The following SLC35F3 variants were observed in gnomAD, a reference collection of about 807,000 sequenced individuals.
SLC35F3 encodes putative thiamine transporter SLC35F3.
In SLC35F3, 25 loss-of-function variants were observed where a neutral mutation model predicts 49.9. The observed-to-expected ratio is 0.50, with a 90% CI of 0.37 to 0.70. The LOEUF (loss-of-function observed/expected upper bound fraction) is 0.70. SLC35F3 is among the 30% of genes least tolerant of loss of function. The pLI is 0.00. For missense variants in SLC35F3, 525 were observed against 639.8 expected (o/e 0.82, Z 1.94); for synonymous variants, 275 against 265.4 (o/e 1.04, Z -0.35).
intron 2 of SLC35F3, among the ~76,000 whole-genome samples, chr1:234,048,745 T>C (rs7538806): frequency 0.77 from 116,627 of 152,074 alleles, 45,580 homozygotes; most frequent in African/African-American, 0.92. Context: ...GGAGCAATTT[T>C]CCATTGGGTC....
chr1:234,250,912 G>T (rs1388590026), intron 3 of SLC35F3, among the ~76,000 whole-genome samples: 1 of 152,072 alleles, frequency 6.6e-6, no homozygotes, highest in Admixed American at 6.5e-5. Flanking sequence ...CATTCAGGAG[G>T]GATTTGCCCC....
At chr1:234,222,577 T>A (rs551541) in intron 2 of SLC35F3, among the ~76,000 whole-genome samples, 84,297 of 152,052 alleles carry the variant, frequency 0.55, 26,587 homozygotes, top group African/African-American at 0.85. Flanking sequence ...CAGCACCGCC[T>A]TGGTGAGTCT....
chr1:234,225,892 C>A (rs943598851), intron 2 of SLC35F3, among the ~76,000 whole-genome samples: 2 of 152,066 alleles, frequency 1.3e-5, no homozygotes, highest in Non-Finnish European at 2.9e-5. Context: ...GTGGATAAAC[C>A]CCAAAGACAT....
chr1:234,080,850 C>T (rs1341596792), intron 2 of SLC35F3, among the ~76,000 whole-genome samples: 1 of 152,026 alleles, frequency 6.6e-6, no homozygotes, highest in Non-Finnish European at 1.5e-5. Flanking sequence ...ATGAGTATAC[C>T]ACATCATGAA....
intron 2 of SLC35F3, among the ~76,000 whole-genome samples, chr1:234,038,154 C>T (rs1051569221): frequency 7.0e-6 from 1 of 143,062 alleles, no homozygotes; most frequent in Non-Finnish European, 1.5e-5. Flanking sequence ...TGATGTTCCC[C>T]TTCCTGTGTC....
intron 2 of SLC35F3, among the ~76,000 whole-genome samples, chr1:234,227,215 G>A (rs1230149095): frequency 5.3e-5 from 8 of 152,084 alleles, no homozygotes; most frequent in African/African-American, 1.9e-4. Flanking sequence ...TAGAATTTAA[G>A]GCACAAGATG....
chr1:234,017,758 A>T (rs1165058007), intron 2 of SLC35F3, among the ~76,000 whole-genome samples: 1 of 150,978 alleles, frequency 6.6e-6, no homozygotes, highest in Non-Finnish European at 1.5e-5. Flanking sequence ...GTATTGGTGC[A>T]AAAGTAATTG....
chr1:234,168,237 G>T (rs1666347350), intron 2 of SLC35F3, among the ~76,000 whole-genome samples: 1 of 152,190 alleles, frequency 6.6e-6, no homozygotes, highest in Admixed American at 6.5e-5. Context: ...CTGTCTGAAG[G>T]CTCCTTAGAG....
At chr1:233,915,308 C>T (rs144474996) in intron 2 of SLC35F3, among the ~76,000 whole-genome samples, 211 of 152,288 alleles carry the variant, frequency 1.4e-3, no homozygotes, top group Middle Eastern at 3.4e-3. Context: ...AAAAATGTTT[C>T]TTAGTGTATG....
rs1164671176 is a variant in SLC35F3, at chr1:234,189,492, GA to G, written c.284-41922del. Among the ~76,000 whole-genome samples the G allele has an allele frequency of 2.1e-5, 3 of 144,948 alleles. No individual in the cohort carries two copies. In the Admixed American group the frequency reaches 2.1e-4, roughly 10 times the overall value. On this transcript the variant is annotated intron_variant, in intron 2 of 7. Transcript: ENST00000366618. ...CTTCAGAGCTCGAAGACAAGGTTTT[GA>G]AATAACTCAATCCAACACAGACAAA... is the stretch of plus-strand genomic sequence containing the variant.
chr1:233,987,080 A>C (rs879819577), intron 2 of SLC35F3, among the ~76,000 whole-genome samples: 10 of 152,132 alleles, frequency 6.6e-5, no homozygotes, highest in Non-Finnish European at 1.3e-4. Context: ...TGAGGTCAGG[A>C]GTTTGAGACC....
chr1:234,319,984 T>G, intron 6 of SLC35F3, 114 bp from the exon 7 acceptor site: 1 of 713,168 alleles, frequency 1.4e-6, no homozygotes, highest in Non-Finnish European at 2.5e-6. Flanking sequence ...AGAGGGTCAT[T>G]GTAACTCCTA....
chr1:234,037,513 A>G (rs1002654723), intron 2 of SLC35F3, among the ~76,000 whole-genome samples: 5 of 152,220 alleles, frequency 3.3e-5, no homozygotes, highest in African/African-American at 1.2e-4. Context: ...AGTGAATAAA[A>G]CAGACAATAG....
intron 2 of SLC35F3, among the ~76,000 whole-genome samples, chr1:234,103,260 C>T (rs61824596): frequency 0.029 from 4,454 of 152,248 alleles, 94 homozygotes; most frequent in Non-Finnish European, 0.046. Flanking sequence ...CACCCTCTCT[C>T]AATGCTTCCC....
intron 2 of SLC35F3, among the ~76,000 whole-genome samples, chr1:234,022,343 C>T (rs1193261071): frequency 2.0e-5 from 3 of 152,176 alleles, no homozygotes; most frequent in Admixed American, 6.5e-5. Flanking sequence ...AACTGGCTCT[C>T]CAATTGTGGA....
intron 2 of SLC35F3, among the ~76,000 whole-genome samples, chr1:233,958,898 AC>A (rs1457646567): frequency 6.6e-6 from 1 of 152,134 alleles, no homozygotes; most frequent in Non-Finnish European, 1.5e-5. Context: ...CCCAAATGTT[AC>A]CCTTTTTTCC....
intron 2 of SLC35F3, among the ~76,000 whole-genome samples, chr1:234,205,123 T>C (rs1334804160): frequency 1.3e-5 from 2 of 152,200 alleles, no homozygotes; most frequent in Non-Finnish European, 2.9e-5. Flanking sequence ...GAGCACTTTA[T>C]ATTTTTTTGG....
At chr1:234,254,451 C>T (rs1157711961) in intron 3 of SLC35F3, among the ~76,000 whole-genome samples, 8 of 152,124 alleles carry the variant, frequency 5.3e-5, no homozygotes, top group Non-Finnish European at 7.3e-5. Context: ...CATCTTCTCC[C>T]ATCCAAGAAT....
intron 2 of SLC35F3, among the ~76,000 whole-genome samples, chr1:234,010,670 C>T (rs1449872287): frequency 1.3e-5 from 2 of 152,092 alleles, no homozygotes; most frequent in African/African-American, 4.8e-5. Flanking sequence ...ACTATTATAA[C>T]ATTGCAGTCT....
Sources: allele counts gnomAD v4.1 joint callset (sites outside exome capture counted in the v4.1 genomes callset), GRCh38; gene constraint gnomAD v4.1.1; transcripts MANE v1.5; gene names NCBI Gene and HGNC (gene_info 2026-07-23, HGNC 2026-07-21).